Variants in ST6GALNAC3 observed in about 807,000 individuals in gnomAD.
ST6GALNAC3 encodes ST6 N-acetylgalactosaminide alpha-2,6-sialyltransferase 3.
A neutral mutation model predicts 32.7 loss-of-function variants in ST6GALNAC3; 25 were observed. The observed-to-expected ratio is 0.76, with a 90% CI of 0.56 to 1.07. The LOEUF (loss-of-function observed/expected upper bound fraction) is 1.07. Among genes scored for constraint, ST6GALNAC3 ranks in the 50% least tolerant of loss-of-function variants. ST6GALNAC3 has a pLI of 0.00. For missense variants in ST6GALNAC3, 355 were observed against 382.4 expected (o/e 0.93, Z 0.60); for synonymous variants, 129 against 133.1 (o/e 0.97, Z 0.21).
intron 3 of ST6GALNAC3, chr1:76,576,894 A>G (rs757335313): frequency 1.5e-6 from 2 of 1,304,610 alleles, no homozygotes; most frequent in Non-Finnish European, 2.0e-6. Context: ...ACCACCACAT[A>G]CATGTCCTGC....
chr1:76,360,564 A>C (rs1469378905), intron 2 of ST6GALNAC3, among the ~76,000 whole-genome samples: 6 of 152,210 alleles, frequency 3.9e-5, no homozygotes, highest in Non-Finnish European at 5.9e-5. Context: ...TAAATATGCC[A>C]GTCTATTTTC....
At chr1:76,447,002 G>A (rs996554752) in intron 3 of ST6GALNAC3, among the ~76,000 whole-genome samples, 3 of 152,180 alleles carry the variant, frequency 2.0e-5, no homozygotes, top group African/African-American at 7.2e-5. Context: ...AGCAACTTTG[G>A]AACTGGGTAA....
intron 3 of ST6GALNAC3, among the ~76,000 whole-genome samples, chr1:76,528,806 TCA>T (rs1321261977): frequency 1.3e-5 from 2 of 151,094 alleles, no homozygotes; most frequent in Non-Finnish European, 1.5e-5. Flanking sequence ...CAAAATCAGC[TCA>T]CCATAGTTCT....
At chr1:76,530,748 A>T (rs1663201861) in intron 3 of ST6GALNAC3, among the ~76,000 whole-genome samples, 1 of 152,208 alleles carries the variant, frequency 6.6e-6, no homozygotes, top group Non-Finnish European at 1.5e-5. Flanking sequence ...CATTTCGTGG[A>T]TAAGGGAATT....
chr1:76,502,747 C>A (rs1198156429), intron 3 of ST6GALNAC3, among the ~76,000 whole-genome samples: 1 of 152,126 alleles, frequency 6.6e-6, no homozygotes, highest in Non-Finnish European at 1.5e-5. Context: ...ACAATTCAAC[C>A]TGTAACACCA....
chr1:76,574,314 C>A (rs888627371), intron 3 of ST6GALNAC3, among the ~76,000 whole-genome samples: 6 of 151,956 alleles, frequency 3.9e-5, no homozygotes, highest in Admixed American at 3.9e-4. Context: ...ATTTTATAGC[C>A]TTTTGACAAT....
intron 1 of ST6GALNAC3, among the ~76,000 whole-genome samples, chr1:76,292,072 T>C (rs113140899): frequency 2.0e-3 from 302 of 152,356 alleles, no homozygotes; most frequent in African/African-American, 6.8e-3. Flanking sequence ...TAGCACCATT[T>C]TGAGAGCTCT....
chr1:76,260,992 A>ACG (rs1658198762), intron 1 of ST6GALNAC3, among the ~76,000 whole-genome samples: 1 of 151,914 alleles, frequency 6.6e-6, no homozygotes, highest in Non-Finnish European at 1.5e-5. Flanking sequence ...ACACACACAC[A>ACG]CACACACACA....
intron 3 of ST6GALNAC3, among the ~76,000 whole-genome samples, chr1:76,558,855 G>C (rs1273521080): frequency 6.6e-6 from 1 of 151,904 alleles, no homozygotes; most frequent in Non-Finnish European, 1.5e-5. Flanking sequence ...TAGCTCTTGG[G>C]GAAAATTGGG....
chr1:76,586,700 T>G (rs1248480966), intron 3 of ST6GALNAC3, among the ~76,000 whole-genome samples: 1 of 152,266 alleles, frequency 6.6e-6, no homozygotes, highest in African/African-American at 2.4e-5. Context: ...ACTTTACACT[T>G]CTTAATGTGA....
At chr1:76,084,685 C>T (rs184425086) in intron 1 of ST6GALNAC3, among the ~76,000 whole-genome samples, 361 of 152,238 alleles carry the variant, frequency 2.4e-3, no homozygotes, top group Admixed American at 4.5e-3. Context: ...AGACATATGG[C>T]CAATGGTGCT....
intron 3 of ST6GALNAC3, among the ~76,000 whole-genome samples, chr1:76,510,173 A>G (rs1409944595): frequency 6.6e-6 from 1 of 152,184 alleles, no homozygotes; most frequent in East Asian, 1.9e-4. Context: ...TTTCCCTGTT[A>G]GAGTAAGTAA....
intron 2 of ST6GALNAC3, among the ~76,000 whole-genome samples, chr1:76,327,700 CT>C (rs1443090455): frequency 6.6e-6 from 1 of 152,182 alleles, no homozygotes; most frequent in Non-Finnish European, 1.5e-5. Flanking sequence ...AGCAATTCTC[CT>C]GCCTCAGCTT....
At chr1:76,592,916 A>G (rs1647071415) in intron 3 of ST6GALNAC3, among the ~76,000 whole-genome samples, 1 of 152,216 alleles carries the variant, frequency 6.6e-6, no homozygotes, top group Non-Finnish European at 1.5e-5. Flanking sequence ...CAGAGAAGCC[A>G]AAGACTATTT....
At chr1:76,151,705 G>C (rs557972681) in intron 1 of ST6GALNAC3, among the ~76,000 whole-genome samples, 1 of 152,294 alleles carries the variant, frequency 6.6e-6, no homozygotes, top group South Asian at 2.1e-4. Flanking sequence ...CTGGTAAGGA[G>C]GTGCAGGGGC....
At chr1:76,186,244 C>G (rs564401363) in intron 1 of ST6GALNAC3, among the ~76,000 whole-genome samples, 1 of 152,264 alleles carries the variant, frequency 6.6e-6, no homozygotes, top group East Asian at 1.9e-4. Context: ...CTGACTTGAC[C>G]AGATGCCACA....
chr1:76,300,602 A>G (rs1465229970), intron 1 of ST6GALNAC3, among the ~76,000 whole-genome samples: 4 of 152,010 alleles, frequency 2.6e-5, no homozygotes, highest in Non-Finnish European at 5.9e-5. Flanking sequence ...GTTTATTGCT[A>G]AGTGGTAAAC....
chr1:76,312,932 A>T (rs968360378), intron 1 of ST6GALNAC3, among the ~76,000 whole-genome samples: 13 of 152,160 alleles, frequency 8.5e-5, no homozygotes, highest in Non-Finnish European at 1.8e-4. Context: ...CATGCATTTT[A>T]TCAAGCTCAA....
At position 76,628,874 on chromosome 1, in the gene ST6GALNAC3, T is replaced by C; in HGVS notation, c.*68T>C. The C allele has an allele frequency of 1.3e-6, 2 of 1,580,594 alleles. No individual in the cohort carries two copies. Among genetic ancestry groups the C allele is most frequent in the Non-Finnish European group, 8.6e-7 (1 of 1,169,426 alleles). On this transcript the variant is annotated 3_prime_UTR_variant, in exon 5 of 5. Transcript: ENST00000328299. The stretch of plus-strand genomic sequence containing the variant: ...CATACTGCAACTGTGATGCTGATGA[T>C]GCTAATGGAGATGATGGTAATGATA...
Sources: gnomAD v4.1 joint callset for allele counts (sites outside exome capture counted in the v4.1 genomes callset) on GRCh38, gnomAD v4.1.1 for gene constraint, MANE v1.5 for transcripts, NCBI Gene and HGNC (gene_info 2026-07-23, HGNC 2026-07-21) for gene names.